TNFRSF13B: variants seen among roughly 807,000 people sequenced by gnomAD.
TNFRSF13B encodes the protein tumor necrosis factor receptor superfamily member 13B.
TNFRSF13B carries 34 observed loss-of-function variants against 24.0 expected under a neutral mutation model. That is an observed-to-expected ratio of 1.41 (90% CI 1.08 to 1.88). The LOEUF is 1.88. Among genes scored for constraint, TNFRSF13B ranks in the 40% most tolerant of loss-of-function variants. TNFRSF13B has a pLI of 0.00. For missense variants in TNFRSF13B, 415 were observed against 380.8 expected, an observed-to-expected ratio of 1.09 and a Z score of -0.75; for synonymous variants, 173 against 150.3, an observed-to-expected ratio of 1.15 and a Z score of -1.10.
At position 16,966,804 on chromosome 17, in the gene TNFRSF13B, C is replaced by CATTT. The variant is rs1455456479; in HGVS notation, c.61+5207_61+5210dup. On this transcript the variant is annotated intron_variant, in intron 1 of 4. Transcript: ENST00000261652. The stretch of plus-strand genomic sequence containing the variant: ...ATATGTGCTGCCGAAGTGAGCACAA[C>CATTT]ATTTGGTTTTTTTTGTTTTTTCTTT... Among the ~76,000 whole-genome samples, 17 of 146,720 alleles carry CATTT rather than the reference C, an allele frequency of 1.2e-4. No individual in the cohort carries two copies. In the East Asian group the frequency reaches 3.5e-3, roughly 30 times the overall value.
chr17:16,948,826 C>G lies in TNFRSF13B; in HGVS notation c.357G>C (p.Arg119Ser), dbSNP rs374322117. Reference protein sequence around the residue: ...RSPVNLPPELRRQRSGEVENN... With the variant: ...RSPVNLPPELSRQRSGEVENN... Reference sequence around the variant, plus strand: ...TTTCAACTTCTCCACTCCGCTGTCTCCTGAGCTCTGGTGGAAGGTTCACTG... The same window carrying G: ...TTTCAACTTCTCCACTCCGCTGTCTGCTGAGCTCTGGTGGAAGGTTCACTG... The change falls in exon 3 of 5, where the codon AGG becomes AGC. Residue 119 changes from arginine (R) to serine (S), a missense_variant. Arg to Ser is a moderately radical substitution (Grantham distance 110, BLOSUM62 -1). Coordinates refer to ENST00000261652, the MANE Select transcript of TNFRSF13B (RefSeq NM_012452.3). 164 of 1,614,226 alleles carry G rather than the reference C, an allele frequency of 1.0e-4. 6 individuals carry two copies. In the South Asian group the frequency reaches 1.8e-3, roughly 18 times the overall value.
intron 1 of TNFRSF13B, among the ~76,000 whole-genome samples, chr17:16,956,284 C>T (rs1011519717): frequency 2.6e-5 from 4 of 152,136 alleles, no homozygotes; most frequent in African/African-American, 9.7e-5. Flanking sequence ...TTCAGCAATC[C>T]TTGAGGAGTG....
Position 16,948,934 on chromosome 17 carries a change from C to T in TNFRSF13B, c.249G>A (p.Leu83=), listed in dbSNP as rs2087569159. Residue 83 remains leucine (L), a synonymous_variant, in exon 3 of 5, where the codon CTG becomes CTA. Transcript: ENST00000261652. ...KEQGKFYDHL[L]RDCISCASIC... ...TGGAGGCACAGCTGATGCAGTCCCT[C>T]AGGAGATGGTCATAGAACTTGCCTT... The T allele has an allele frequency of 6.2e-7, 1 of 1,614,212 alleles. No homozygotes were observed.
rs148139461 is a variant in TNFRSF13B at position 16,945,578 on chromosome 17, A to G, written c.445+3160T>C. 5.9e-5 allele frequency among the ~76,000 whole-genome samples: 9 copies of G among 152,324 alleles called. No individual in the cohort carries two copies. The East Asian group carries it at 1.5e-3, about 26-fold the overall frequency. The stretch of plus-strand genomic sequence containing the variant: ...GGAATCTGTTGCATCAGAGGTGGGC[A>G]ATGTTCCAGGTTTGCAGGAAGTTTC... On this transcript the variant is annotated intron_variant, in intron 3 of 4. Transcript: ENST00000261652.
At chr17:16,947,179 C>G (rs113242365) in intron 3 of TNFRSF13B, among the ~76,000 whole-genome samples, 1 of 152,042 alleles carries the variant, frequency 6.6e-6, no homozygotes, top group African/African-American at 2.4e-5. Context: ...AACCACAGGC[C>G]GATATCCCTG....
Position 16,948,988 on chromosome 17 carries a change from G to T in TNFRSF13B, c.200-5C>A, listed in dbSNP as rs751533421. On this transcript the variant is annotated splice_region_variant and splice_polypyrimidine_tract_variant and intron_variant, in intron 2 of 4. Coordinates refer to ENST00000261652, the MANE Select transcript of TNFRSF13B (RefSeq NM_012452.3). ...CCTTGCGGCAGCTGAGTGACCCTGG[G>T]AGAGAGAAATTCATGATACTGCTGG... is the stretch of plus-strand genomic sequence containing the variant. The T allele has an allele frequency of 6.2e-7, 1 of 1,614,002 alleles. No homozygotes were observed. Among genetic ancestry groups the T allele is most frequent in the Non-Finnish European group, 8.5e-7 (1 of 1,180,018 alleles).
At chr17:16,965,448 G>A (rs2087692559) in intron 1 of TNFRSF13B, among the ~76,000 whole-genome samples, 1 of 152,240 alleles carries the variant, frequency 6.6e-6, no homozygotes, top group African/African-American at 2.4e-5. Flanking sequence ...TCTGAATCCA[G>A]TGCCTTCCAA....
At chr17:16,954,935 CCA>C (rs2087614749) in intron 1 of TNFRSF13B, among the ~76,000 whole-genome samples, 1 of 152,198 alleles carries the variant, frequency 6.6e-6, no homozygotes, top group Admixed American at 6.5e-5. Flanking sequence ...CTTACCCACC[CCA>C]GTTTCTATCT....
At chr17:16,954,604 C>T (rs954290719) in intron 1 of TNFRSF13B, among the ~76,000 whole-genome samples, 1 of 152,238 alleles carries the variant, frequency 6.6e-6, no homozygotes, top group African/African-American at 2.4e-5. Context: ...CTTTGAGAAT[C>T]TCTCATCATT....
At chr17:16,970,760 C>T (rs932398312) in intron 1 of TNFRSF13B, among the ~76,000 whole-genome samples, 5 of 152,212 alleles carry the variant, frequency 3.3e-5, no homozygotes, top group African/African-American at 4.8e-5. Context: ...ACTCGTGGCC[C>T]CAGAGCACTG....
Position 16,949,075 on chromosome 17 carries a change from A to T in TNFRSF13B, c.200-92T>A, listed in dbSNP as rs554674109. The T allele has an allele frequency of 5.3e-4, 803 of 1,511,194 alleles. 1 individual carries two copies. The highest frequency in any genetic ancestry group is 6.9e-4 in the Non-Finnish European group (761 of 1,101,568). 93.6% of individuals were successfully genotyped at this position (1,511,194 alleles called of 1,614,324 possible). On this transcript the variant is annotated intron_variant, in intron 2 of 4. Transcript: ENST00000261652. ...AAAGGACATCAAAGTTAAAAAAAAA[A>T]ATACAGTAAAATTCCAGAAGGCAAT...
chr17:16,963,098 T>G (rs2087674378), intron 1 of TNFRSF13B, among the ~76,000 whole-genome samples: 1 of 152,224 alleles, frequency 6.6e-6, no homozygotes, highest in African/African-American at 2.4e-5. Flanking sequence ...TGGGCACGAC[T>G]TCTGCTCTTG....
chr17:16,948,104 T>G (rs1280215011), intron 3 of TNFRSF13B, among the ~76,000 whole-genome samples: 4 of 152,288 alleles, frequency 2.6e-5, no homozygotes, highest in African/African-American at 9.6e-5. Flanking sequence ...AAATACCACA[T>G]GTTCTCACTT....
rs764319738 is a variant in TNFRSF13B, at chr17:16,940,425, A to G, written c.532T>C (p.Phe178Leu). The change falls in exon 4 of 5, where the codon TTC becomes CTC. Residue 178 changes from phenylalanine to leucine, a missense_variant. Coordinates refer to ENST00000261652, the MANE Select transcript of TNFRSF13B (RefSeq NM_012452.3). Reference protein sequence around the residue: ...GLCLCAVLCCFLVAVACFLKK... With the variant: ...GLCLCAVLCCLLVAVACFLKK... ...AGGAAGCAGGCCACCGCCACCAGGA[A>G]GCAGCAGAGGACGGCACACAGGCAG... is the stretch of plus-strand genomic sequence containing the variant. The G allele has an allele frequency of 3.7e-6, 6 of 1,614,106 alleles. No homozygotes were observed. The highest frequency in any genetic ancestry group is 4.2e-6 in the Non-Finnish European group (5 of 1,180,030).
chr17:16,951,585 G>A (rs2087588894), intron 2 of TNFRSF13B, among the ~76,000 whole-genome samples: 1 of 152,188 alleles, frequency 6.6e-6, no homozygotes, highest in African/African-American at 2.4e-5. Flanking sequence ...GATCTTGGCT[G>A]TGCTTTAAAA....
rs776292713 is a variant in TNFRSF13B at position 16,939,688 on chromosome 17, C to T, written c.741G>A (p.Thr247=). The T allele has an allele frequency of 8.7e-6, 14 of 1,609,214 alleles. No individual in the cohort carries two copies. The highest frequency in any genetic ancestry group is 2.2e-5 in the East Asian group (1 of 44,800). ...CRAPTQESAV[T]PGTPDPTCAG... ...CACAAGTGGGGTCGGGGGTCCCAGGCGTGACTGCGCTCTCCTGCGTGGGCG... is the reference window on the plus strand; with the variant it reads ...CACAAGTGGGGTCGGGGGTCCCAGGTGTGACTGCGCTCTCCTGCGTGGGCG... The change falls in exon 5 of 5, where the codon ACG becomes ACA. Residue 247 remains threonine, a synonymous_variant. Coordinates refer to ENST00000261652, the MANE Select transcript of TNFRSF13B (RefSeq NM_012452.3).
intron 3 of TNFRSF13B, among the ~76,000 whole-genome samples, chr17:16,942,266 C>T (rs1044887220): frequency 2.6e-5 from 4 of 152,190 alleles, no homozygotes; most frequent in African/African-American, 4.8e-5. Context: ...GACCTGCACC[C>T]GGGAGCCGGT....
At position 16,948,851 on chromosome 17, in the gene TNFRSF13B, G is replaced by C. The variant is rs745828792; in HGVS notation, c.332C>G (p.Pro111Arg). 1.2e-6 allele frequency: 2 copies of C among 1,614,078 alleles called. No homozygotes were observed. The highest frequency in any genetic ancestry group is 2.2e-5 in the South Asian group (2 of 91,086). Residue 111 changes from proline to arginine, a missense_variant, in exon 3 of 5, where the codon CCA (proline) becomes CGA (arginine). Pro to Arg is a moderately radical substitution (Grantham distance 103). Transcript: ENST00000261652. ...CCTGAGCTCTGGTGGAAGGTTCACT[G>C]GGCTCCTGAGCTTGTTCTCACAGAA... ...AYFCENKLRS[P>R]VNLPPELRRQ...
chr17:16,964,883 C>T (rs1411359644), intron 1 of TNFRSF13B, among the ~76,000 whole-genome samples: 1 of 152,092 alleles, frequency 6.6e-6, no homozygotes, highest in Non-Finnish European at 1.5e-5. Flanking sequence ...TCTGGCTGTG[C>T]ACAACCTCAG....
Sources: gnomAD v4.1 joint callset for allele counts (sites outside exome capture counted in the v4.1 genomes callset) on GRCh38, gnomAD v4.1.1 for gene constraint, MANE v1.5 for transcripts, NCBI Gene and HGNC (gene_info 2026-07-23, HGNC 2026-07-21) for gene names.